The following GABPB1 variants were observed in gnomAD, a reference collection of about 807,000 sequenced individuals.
GABPB1 encodes the protein GA binding protein transcription factor subunit beta 1.
Under a neutral mutation model 45.9 loss-of-function variants are expected in GABPB1, and 15 were observed. That is an observed-to-expected ratio of 0.33 (90% CI 0.22 to 0.50). The LOEUF (loss-of-function observed/expected upper bound fraction) is 0.50. Among genes scored for constraint, GABPB1 ranks in the 20% least tolerant of loss-of-function variants. The pLI is 0.98. For synonymous variants in GABPB1, 143 were observed against 154.4 expected (o/e 0.93, Z 0.55); for missense variants, 252 against 457.5 (o/e 0.55, Z 4.10).
intron 4 of GABPB1, among the ~76,000 whole-genome samples, chr15:50,302,077 A>T (rs2046770871): frequency 6.6e-6 from 1 of 152,328 alleles, no homozygotes; most frequent in African/African-American, 2.4e-5. Context: ...AACAGGCAAG[A>T]AGAGGCAGTA....
At position 50,275,504 on chromosome 15, in the gene GABPB1, A is replaced by C. The variant is rs2045828722; in HGVS notation, c.*3128T>G. ...AATATCATAAATGTAAAATGCAATT[A>C]ATACCCTGATAAACCCATTGTAAAG... On this transcript the variant is annotated 3_prime_UTR_variant, in exon 9 of 9. Transcript: ENST00000380877. 1 of 152,212 alleles carries C rather than the reference A, an allele frequency of 6.6e-6. No individual in the cohort carries two copies. The highest frequency in any genetic ancestry group is 2.4e-5 in the African/African-American group (1 of 41,442). 9.4% of individuals were successfully genotyped at this position (152,212 alleles called of 1,614,324 possible). A position where few individuals can be genotyped will look rare whatever the true frequency, so the allele number is the denominator to read the frequency against.
At chr15:50,349,917 C>T (rs2048758644) in intron 1 of GABPB1, 3 of 152,112 alleles carry the variant, frequency 2.0e-5, no homozygotes, top group Admixed American at 6.6e-5. Flanking sequence ...TCAGAAATAA[C>T]CATTTAACAA....
intron 1 of GABPB1, among the ~76,000 whole-genome samples, chr15:50,333,500 A>G (rs773527431): frequency 6.6e-6 from 1 of 151,906 alleles, no homozygotes; most frequent in Non-Finnish European, 1.5e-5. Flanking sequence ...GACCTGTCTC[A>G]AGAAAAAAAT....
At position 50,294,877 on chromosome 15, in the gene GABPB1, T is replaced by G. The variant is rs551680505; in HGVS notation, c.698-5209A>C. On this transcript the variant is annotated intron_variant, in intron 6 of 8. Transcript: ENST00000380877. The stretch of plus-strand genomic sequence containing the variant: ...GCATTACACCTTTGGAAAAACCACT[T>G]TATTAGTAATTACCAGAAGTTGCTC... Among the ~76,000 whole-genome samples, 9 of 152,236 alleles carry G rather than the reference T, an allele frequency of 5.9e-5. No homozygotes were observed. The South Asian group carries it at 1.7e-3, about 28-fold the overall frequency.
At chr15:50,283,553 C>A (rs1209412773) in intron 8 of GABPB1, among the ~76,000 whole-genome samples, 1 of 151,694 alleles carries the variant, frequency 6.6e-6, no homozygotes, top group Admixed American at 6.6e-5. Context: ...CTCTGTCACC[C>A]AGGCTGGAGT....
intron 1 of GABPB1, among the ~76,000 whole-genome samples, chr15:50,348,046 A>G (rs944150515): frequency 6.6e-6 from 1 of 151,304 alleles, no homozygotes; most frequent in African/African-American, 2.4e-5. Context: ...CCATCTGGAA[A>G]AAAAAAAAAA....
At chr15:50,296,816 T>A (rs2046527686) in intron 6 of GABPB1, among the ~76,000 whole-genome samples, 1 of 152,136 alleles carries the variant, frequency 6.6e-6, no homozygotes, top group South Asian at 2.1e-4. Context: ...AGAAATAATC[T>A]GTGGTAGATT....
chr15:50,278,407 TAAA>T lies in GABPB1; in HGVS notation c.*222_*224del. On this transcript the variant is annotated 3_prime_UTR_variant, in exon 9 of 9. Transcript: ENST00000380877. ...ATCTTTATCAACTCATTTGGAACTG[TAAA>T]AAAAAAAAAACTATTTACAGAATTC... 1.8e-5 allele frequency: 5 copies of T among 282,944 alleles called. No homozygotes were observed. Among genetic ancestry groups the T allele is most frequent in the East Asian group, 6.1e-5 (1 of 16,392 alleles). The allele number at this position is 282,944 out of a possible 1,614,324, so 17.5% of individuals were successfully genotyped here.
At chr15:50,332,671 T>C (rs2047986338) in intron 1 of GABPB1, among the ~76,000 whole-genome samples, 1 of 152,146 alleles carries the variant, frequency 6.6e-6, no homozygotes, top group South Asian at 2.1e-4. Flanking sequence ...CATGAATTCA[T>C]AACTGTTGAA....
intron 1 of GABPB1, among the ~76,000 whole-genome samples, chr15:50,334,505 CTT>C (rs60433481): frequency 1.9e-4 from 21 of 109,394 alleles, no homozygotes; most frequent in African/African-American, 5.7e-4. Flanking sequence ...TCTTTTTTTC[CTT>C]TTTTTTTTTT....
At chr15:50,342,098 C>G (rs1376846145) in intron 1 of GABPB1, among the ~76,000 whole-genome samples, 1 of 152,198 alleles carries the variant, frequency 6.6e-6, no homozygotes, top group East Asian at 1.9e-4. Flanking sequence ...GTCTTCCCCT[C>G]CCGAACTTAC....
At position 50,289,558 on chromosome 15, in the gene GABPB1, G is replaced by A; in HGVS notation, c.808C>T (p.Leu270Phe). Residue 270 changes from leucine to phenylalanine, a missense_variant, in exon 7 of 9, where the codon CTT (leucine) becomes TTT (phenylalanine). Coordinates refer to ENST00000380877, the MANE Select transcript of GABPB1 (RefSeq NM_016654.5). ...VITIVTDGIQ[L>F]GNLHSIPTSG... ...GTTGGAATAGAGTGCAAATTTCCAA[G>A]CTGAATTCCATCTGTAACTATTGTG... 6.2e-7 allele frequency: 1 copy of A among 1,613,504 alleles called. No individual in the cohort carries two copies. The highest frequency in any genetic ancestry group is 8.5e-7 in the Non-Finnish European group (1 of 1,179,762).
intron 2 of GABPB1, among the ~76,000 whole-genome samples, chr15:50,306,665 C>A (rs2046961717): frequency 6.6e-6 from 1 of 151,878 alleles, no homozygotes; most frequent in Non-Finnish European, 1.5e-5. Flanking sequence ...ATGCCACTCC[C>A]TGATCACAAG....
chr15:50,290,656 A>G (rs961615467), intron 6 of GABPB1, among the ~76,000 whole-genome samples: 1 of 152,110 alleles, frequency 6.6e-6, no homozygotes, highest in African/African-American at 2.4e-5. Flanking sequence ...ATTTACATTT[A>G]TGTGTGAGTT....
At chr15:50,306,031 G>A (rs1258042229) in intron 2 of GABPB1, among the ~76,000 whole-genome samples, 1 of 151,966 alleles carries the variant, frequency 6.6e-6, no homozygotes, top group Non-Finnish European at 1.5e-5. Context: ...CTAGAATGCA[G>A]TGGAGCTATC....
At chr15:50,335,995 C>T (rs960401150) in intron 1 of GABPB1, among the ~76,000 whole-genome samples, 1 of 151,472 alleles carries the variant, frequency 6.6e-6, no homozygotes, top group Non-Finnish European at 1.5e-5. Flanking sequence ...GTACAGCTGA[C>T]CCTTTAACAA....
chr15:50,328,379 A>C (rs1350952203), intron 1 of GABPB1, among the ~76,000 whole-genome samples: 1 of 152,142 alleles, frequency 6.6e-6, no homozygotes, highest in Non-Finnish European at 1.5e-5. Flanking sequence ...TGATTTGTTG[A>C]AAAGAATGGT....
At chr15:50,286,247 G>C (rs938203330) in intron 7 of GABPB1, 64 bp from the exon 8 acceptor site, 3 of 1,136,344 alleles carry the variant, frequency 2.6e-6, no homozygotes, top group Non-Finnish European at 3.6e-6. Flanking sequence ...AATAAAACTA[G>C]TCTTGACATT....
chr15:50,330,245 A>G (rs1423768034), intron 1 of GABPB1, among the ~76,000 whole-genome samples: 2 of 151,982 alleles, frequency 1.3e-5, no homozygotes, highest in East Asian at 3.9e-4. Context: ...TACTAAACAC[A>G]CATTGTTCTG....
Sources: allele counts gnomAD v4.1 joint callset (sites outside exome capture counted in the v4.1 genomes callset), GRCh38; gene constraint gnomAD v4.1.1; transcripts MANE v1.5; gene names NCBI Gene and HGNC (gene_info 2026-07-23, HGNC 2026-07-21).